PGD: variants seen among roughly 807,000 people sequenced by gnomAD.
PGD encodes phosphogluconate dehydrogenase.
PGD carries 21 observed loss-of-function variants against 60.4 expected under a neutral mutation model. The ratio of observed to expected loss-of-function variants is 0.35; its 90% CI spans 0.25 to 0.50. The LOEUF (loss-of-function observed/expected upper bound fraction) is 0.50. Ranked by LOEUF, PGD falls within the 20% of genes least tolerant of loss-of-function variation. The probability of loss-of-function intolerance (pLI) is 0.98; values close to 1 mark genes in which losing one functional copy is unlikely to be tolerated. For missense variants in PGD, 477 were observed against 613.1 expected, an observed-to-expected ratio of 0.78 and a Z score of 2.34; for synonymous variants, 230 against 235.9, an observed-to-expected ratio of 0.97 and a Z score of 0.23.
chr1:10,400,774 T>C (rs1327897641), intron 3 of PGD, among the ~76,000 whole-genome samples: 1 of 152,172 alleles, frequency 6.6e-6, no homozygotes, highest in Non-Finnish European at 1.5e-5. Flanking sequence ...GTAGTAATTC[T>C]GAGAATACTA....
intron 5 of PGD, among the ~76,000 whole-genome samples, chr1:10,404,962 C>G (rs2102388206): frequency 6.6e-6 from 1 of 152,290 alleles, no homozygotes; most frequent in Admixed American, 6.5e-5. Context: ...TAATCACTGC[C>G]CAGCACTTTG....
At position 10,404,535 on chromosome 1, in the gene PGD, T is replaced by TC. The variant is rs1176035208; in HGVS notation, c.449+259dup. On this transcript the variant is annotated intron_variant, in intron 5 of 12. Coordinates refer to ENST00000270776, the MANE Select transcript of PGD (RefSeq NM_002631.4). Reference sequence around the variant, plus strand: ...GTTCTAAATAGGCTTTTTTTTTTTTTCCCGCCCAGGCAGGAGTGCAGTGGT... The same window carrying TC: ...GTTCTAAATAGGCTTTTTTTTTTTTTCCCCGCCCAGGCAGGAGTGCAGTGGT... Among the ~76,000 whole-genome samples, 284 of 149,242 alleles carry TC rather than the reference T, an allele frequency of 1.9e-3. 1 individual carries two copies. Among genetic ancestry groups the TC allele is most frequent in the African/African-American group, 6.7e-3 (271 of 40,270 alleles).
At chr1:10,400,804 T>C (rs181191205) in intron 3 of PGD, among the ~76,000 whole-genome samples, 24 of 152,302 alleles carry the variant, frequency 1.6e-4, no homozygotes, top group African/African-American at 5.8e-4. Context: ...TCAATAAACA[T>C]TAAGGCGGGG....
chr1:10,418,897 T>A lies in PGD; in HGVS notation c.1181T>A (p.Phe394Tyr). The A allele has an allele frequency of 1.2e-6, 2 of 1,611,002 alleles. No individual in the cohort carries two copies. The highest frequency in any genetic ancestry group is 1.7e-6 in the Non-Finnish European group (2 of 1,177,310). Reference protein sequence around the residue: ...PELQNLLLDDFFKSAVENCQD... With the variant: ...PELQNLLLDDYFKSAVENCQD... ...CTTCAGAACCTCCTACTGGACGACTTCTTTAAGTCAGCTGTTGAAAACTGC... is the reference window on the plus strand; with the variant it reads ...CTTCAGAACCTCCTACTGGACGACTACTTTAAGTCAGCTGTTGAAAACTGC... Residue 394 changes from phenylalanine to tyrosine, a missense_variant, in exon 11 of 13, where the codon TTC becomes TAC. Physicochemically the swap from Phe to Tyr is conservative, Grantham distance 22 (BLOSUM62 3). Around this residue, in one of 3 missense-constraint regions of PGD, gnomAD observed 431 missense variants for 556.6 expected, o/e 0.77. Transcript: ENST00000270776.
At chr1:10,401,002 C>T (rs992969941) in intron 3 of PGD, among the ~76,000 whole-genome samples, 5 of 152,058 alleles carry the variant, frequency 3.3e-5, no homozygotes, top group African/African-American at 4.8e-5. Context: ...GTCCCAGGTT[C>T]GAGACCAGCC....
chr1:10,413,368 G>T (rs1447821734), intron 8 of PGD, 117 bp downstream of exon 8: 1 of 871,188 alleles, frequency 1.1e-6, no homozygotes, highest in Non-Finnish European at 1.7e-6. Flanking sequence ...CTTTCAGAGT[G>T]CCTTTTGCTC....
At chr1:10,419,324 C>CAGTT in intron 11 of PGD, 93 bp from the exon 12 acceptor site, 1 of 1,515,686 alleles carries the variant, frequency 6.6e-7, no homozygotes, top group South Asian at 1.3e-5. Context: ...GCCTAACCAT[C>CAGTT]AGTTTTTCAT....
At chr1:10,403,159 T>C in intron 4 of PGD, 23 bp downstream of exon 4, 2 of 1,526,300 alleles carry the variant, frequency 1.3e-6, no homozygotes, top group Admixed American at 3.3e-5. Flanking sequence ...CAGTCCAGAT[T>C]CTTCCAGGTT....
In PGD at chr1:10,408,212, A is replaced by T. The variant is rs992057330; in HGVS notation, c.519+72A>T. 8.0e-6 allele frequency: 7 copies of T among 872,078 alleles called. No homozygotes were observed. In the African/African-American group the frequency reaches 1.2e-4, roughly 14 times the overall value. 54.0% of individuals were successfully genotyped at this position (872,078 alleles called of 1,614,324 possible). On this transcript the variant is annotated intron_variant, in intron 6 of 12. Transcript: ENST00000270776. ...TCTAAGTGATGAAGTGCGTGGAGAA[A>T]GGCCACCGTGGTCTCCCAGGGGTTA... is the stretch of plus-strand genomic sequence containing the variant.
rs1012623677 is a variant in PGD, at chr1:10,420,437, A to G, written c.*688A>G. On this transcript the variant is annotated 3_prime_UTR_variant, in exon 13 of 13. Transcript: ENST00000270776. ...TTGCTCCTGGCAAGCTGTGCGTGAC[A>G]TTCTTTATGGCTTTTTGTATGTCAA... 2.6e-5 allele frequency among the ~76,000 whole-genome samples: 3 copies of G among 116,672 alleles called. No homozygotes were observed. The highest frequency in any genetic ancestry group is 1.1e-4 in the Admixed American group (1 of 8,812). The allele number at this position is 116,672 out of a possible 152,430, so 76.5% of individuals were successfully genotyped here.
At chr1:10,402,237 ATACT>A (rs1028216973) in intron 3 of PGD, among the ~76,000 whole-genome samples, 5 of 152,046 alleles carry the variant, frequency 3.3e-5, no homozygotes, top group African/African-American at 1.2e-4. Flanking sequence ...TTTAATCTGT[ATACT>A]TACTTAAAAA....
Position 10,419,869 on chromosome 1 carries a change from G to C in PGD, c.*120G>C. ...TCAGTTTTTTAAAAGTGTTGTAAGA[G>C]ACTCCTGAGGAAGACACACAGTTTA... On this transcript the variant is annotated 3_prime_UTR_variant, in exon 13 of 13. Coordinates refer to ENST00000270776, the MANE Select transcript of PGD (RefSeq NM_002631.4). The C allele has an allele frequency of 8.6e-7, 1 of 1,161,966 alleles. No individual in the cohort carries two copies. The highest frequency in any genetic ancestry group is 1.2e-6 in the Non-Finnish European group (1 of 808,530). The allele number at this position is 1,161,966 out of a possible 1,614,324, so 72.0% of individuals were successfully genotyped here.
rs770804736 is a variant in PGD, at chr1:10,417,167, T to C, written c.975+50T>C. On this transcript the variant is annotated intron_variant, in intron 9 of 12. Transcript: ENST00000270776. ...TCTTTGTTGGTCCTGCGGAAGGCAG[T>C]GGGGGTGGGGGTTGTGGTGGGAGAA... is the stretch of plus-strand genomic sequence containing the variant. The C allele has an allele frequency of 3.1e-6, 5 of 1,601,422 alleles. No individual in the cohort carries two copies. The Admixed American group carries it at 8.4e-5, about 27-fold the overall frequency.
intron 5 of PGD, among the ~76,000 whole-genome samples, chr1:10,406,669 G>T (rs1390181249): frequency 6.6e-6 from 1 of 152,172 alleles, no homozygotes; most frequent in African/African-American, 2.4e-5. Context: ...TTTCATGTCT[G>T]TACCAGAAAC....
Position 10,403,105 on chromosome 1 carries a change from A to T in PGD, c.299A>T (p.Asp100Val). 1 of 1,611,272 alleles carries T rather than the reference A, an allele frequency of 6.2e-7. No homozygotes were observed. The highest frequency in any genetic ancestry group is 2.2e-5 in the East Asian group (1 of 44,868). The change falls in exon 4 of 13, where the codon GAC becomes GTC. Residue 100 changes from aspartate to valine, a missense_variant. This residue lies in a region of PGD where 431 missense variants were observed against 556.6 expected (regional missense o/e 0.77). Coordinates refer to ENST00000270776, the MANE Select transcript of PGD (RefSeq NM_002631.4). ...TTGGATACTGGTGACATCATCATTG[A>T]CGGAGGAAATTCTGAATATAGGGAC... is the stretch of plus-strand genomic sequence containing the variant. ...PLLDTGDIII[D>V]GGNSEYRDTT... is the part of the protein sequence containing the mutation.
chr1:10,407,699 A>G (rs1639430384), intron 5 of PGD, among the ~76,000 whole-genome samples: 2 of 152,158 alleles, frequency 1.3e-5, no homozygotes, highest in Non-Finnish European at 2.9e-5. Context: ...TAATCCCAGC[A>G]CATTGGGTAT....
intron 10 of PGD, among the ~76,000 whole-genome samples, chr1:10,417,894 T>C (rs1418491125): frequency 1.3e-5 from 2 of 152,168 alleles, no homozygotes; most frequent in South Asian, 2.1e-4. Context: ...GTATTTGTAG[T>C]GGAAACAGGG....
chr1:10,419,417 G>A lies in PGD; in HGVS notation c.1210G>A (p.Asp404Asn), dbSNP rs779142088. Residue 404 changes from aspartate to asparagine, a missense_variant and splice_region_variant, in exon 12 of 13, where the codon GAC becomes AAC. Asp to Asn is a conservative substitution (Grantham distance 23, BLOSUM62 1). This residue lies in a region of PGD where 431 missense variants were observed against 556.6 expected (regional missense o/e 0.77). Coordinates refer to ENST00000270776, the MANE Select transcript of PGD (RefSeq NM_002631.4). ...FFKSAVENCQ[D>N]SWRRAVSTGV... ...CTCTGGCCGTGCGTTTTGTGCTCAG[G>A]ACTCCTGGCGGCGGGCAGTCAGCAC... The A allele has an allele frequency of 5.6e-6, 9 of 1,612,720 alleles. No individual in the cohort carries two copies. Among genetic ancestry groups the A allele is most frequent in the Non-Finnish European group, 7.6e-6 (9 of 1,179,706 alleles).
chr1:10,408,002 G>T, intron 5 of PGD, 69 bp from the exon 6 acceptor site: 1 of 879,486 alleles, frequency 1.1e-6, no homozygotes, highest in Non-Finnish European at 2.0e-6. Flanking sequence ...TGGGTATGTT[G>T]GTGTCTATGG....
Sources: allele counts gnomAD v4.1 joint callset (sites outside exome capture counted in the v4.1 genomes callset), GRCh38; gene constraint gnomAD v4.1.1; regional missense constraint gnomAD v4.1.1; transcripts MANE v1.5; gene names NCBI Gene and HGNC (gene_info 2026-07-23, HGNC 2026-07-21).